FILIP1L: variants seen among roughly 807,000 people sequenced by gnomAD.
FILIP1L encodes filamin A-interacting protein 1-like.
Under a neutral mutation model 96.6 loss-of-function variants are expected in FILIP1L, and 55 were observed. That is an observed-to-expected ratio of 0.57 (90% CI 0.46 to 0.71). The LOEUF (loss-of-function observed/expected upper bound fraction) is 0.71, where lower values mean the gene tolerates loss of function less well. FILIP1L is among the 30% of genes least tolerant of loss of function. The pLI is 0.00. For missense variants in FILIP1L, 1,304 were observed against 1,321.2 expected, an observed-to-expected ratio of 0.99 and a Z score of 0.20; for synonymous variants, 467 against 473.9, an observed-to-expected ratio of 0.99 and a Z score of 0.19.
At chr3:99,977,533 T>A (rs560755925) in intron 1 of FILIP1L, among the ~76,000 whole-genome samples, 66 of 152,226 alleles carry the variant, frequency 4.3e-4, no homozygotes, top group African/African-American at 1.5e-3. Context: ...TTCCTGGGAA[T>A]GTAAGCAAGT....
At chr3:100,109,161 G>GT (rs2066444247) in intron 1 of FILIP1L, among the ~76,000 whole-genome samples, 1 of 151,202 alleles carries the variant, frequency 6.6e-6, no homozygotes, top group African/African-American at 2.4e-5. Context: ...AATCAAGGTG[G>GT]TTGGACTCTA....
At chr3:100,054,988 T>A (rs2107327267) in intron 1 of FILIP1L, among the ~76,000 whole-genome samples, 1 of 152,206 alleles carries the variant, frequency 6.6e-6, no homozygotes, top group East Asian at 1.9e-4. Flanking sequence ...GAGCCTCTTT[T>A]GGGCCTTCTT....
intron 1 of FILIP1L, among the ~76,000 whole-genome samples, chr3:99,947,645 G>A (rs1708050756): frequency 6.6e-6 from 1 of 152,090 alleles, no homozygotes; most frequent in Non-Finnish European, 1.5e-5. Flanking sequence ...GGATTTAATC[G>A]CAACTCATAA....
At chr3:100,112,701 A>G (rs1240348683) in intron 1 of FILIP1L, among the ~76,000 whole-genome samples, 4 of 152,170 alleles carry the variant, frequency 2.6e-5, no homozygotes, top group African/African-American at 9.7e-5. Flanking sequence ...TGCTTTGGGA[A>G]ATTACTGAGA....
intron 4 of FILIP1L, among the ~76,000 whole-genome samples, chr3:99,903,822 C>T (rs1237742439): frequency 6.6e-6 from 1 of 152,128 alleles, no homozygotes; most frequent in Non-Finnish European, 1.5e-5. Context: ...CTACACAATG[C>T]TCTTTTCTTA....
chr3:100,069,993 A>C lies in FILIP1L; in HGVS notation c.-11+44060T>G, dbSNP rs544154181. Among the ~76,000 whole-genome samples the C allele has an allele frequency of 2.0e-5, 3 of 152,242 alleles. No individual in the cohort carries two copies. The East Asian group carries it at 5.8e-4, about 29-fold the overall frequency. On this transcript the variant is annotated intron_variant, in intron 1 of 5. Transcript: ENST00000477258. ...TTCTCCTTTTTTTTCCTTTTATTTC[A>C]AACATAATTCTTGTTTGATCCTCAA...
intron 1 of FILIP1L, among the ~76,000 whole-genome samples, chr3:100,103,906 A>T (rs1475529662): frequency 6.6e-6 from 1 of 152,206 alleles, no homozygotes; most frequent in Non-Finnish European, 1.5e-5. Flanking sequence ...AACCTTATTA[A>T]TAAGAATCAT....
chr3:99,929,905 G>C lies in FILIP1L; in HGVS notation c.377C>G (p.Ala126Gly). The C allele has an allele frequency of 1.2e-6, 2 of 1,613,832 alleles. No individual in the cohort carries two copies. Among genetic ancestry groups the C allele is most frequent in the Non-Finnish European group, 1.7e-6 (2 of 1,179,924 alleles). The change falls in exon 3 of 6, where the codon GCG becomes GGG. Residue 126 changes from alanine to glycine, a missense_variant. Transcript: ENST00000477258. ...GTCCTCCTGCCAAGGGGTAGATTTC[G>C]CTTGAAAAGCATCTCTCTGGAGAGC... ...LEALQRDAFQ[A>G]KSTPWQEDIY...
At chr3:99,941,208 C>T (rs550132711) in intron 1 of FILIP1L, among the ~76,000 whole-genome samples, 3 of 151,828 alleles carry the variant, frequency 2.0e-5, no homozygotes, top group South Asian at 2.1e-4. Flanking sequence ...TTTAGACACA[C>T]GGAGTTGATA....
At chr3:100,039,539 A>G (rs1217322456) in intron 1 of FILIP1L, among the ~76,000 whole-genome samples, 1 of 152,170 alleles carries the variant, frequency 6.6e-6, no homozygotes, top group Admixed American at 6.5e-5. Context: ...AATATGCGGG[A>G]TACCAGGAGT....
At chr3:99,869,963 A>G (rs1348743036) in intron 4 of FILIP1L, among the ~76,000 whole-genome samples, 1 of 152,196 alleles carries the variant, frequency 6.6e-6, no homozygotes, top group East Asian at 1.9e-4. Flanking sequence ...CCCAAGTGCT[A>G]CAGCTGTGTT....
At chr3:99,844,752 G>A (rs539611319) in intron 5 of FILIP1L, among the ~76,000 whole-genome samples, 78 of 152,214 alleles carry the variant, frequency 5.1e-4, no homozygotes, top group African/African-American at 1.8e-3. Context: ...TGAAATCCCC[G>A]TTTGGATCGT....
intron 1 of FILIP1L, 58 bp downstream of exon 1, chr3:100,113,995 A>G (rs2066532302): frequency 6.6e-6 from 1 of 152,186 alleles, no homozygotes; most frequent in Non-Finnish European, 1.5e-5. Flanking sequence ...CTAGCTGGTG[A>G]ATAACACAGA....
At chr3:100,112,223 A>C (rs549710785) in intron 1 of FILIP1L, among the ~76,000 whole-genome samples, 11 of 152,362 alleles carry the variant, frequency 7.2e-5, no homozygotes, top group Admixed American at 7.2e-4. Flanking sequence ...TTTTAATGTA[A>C]CATATTAGAA....
chr3:99,837,925 A>G (rs1357382938), intron 5 of FILIP1L, among the ~76,000 whole-genome samples: 3 of 152,192 alleles, frequency 2.0e-5, no homozygotes, highest in East Asian at 1.9e-4. Context: ...GGTCATTATC[A>G]TAACTGTCAA....
chr3:100,001,372 C>T (rs761060773), intron 1 of FILIP1L, among the ~76,000 whole-genome samples: 2 of 152,138 alleles, frequency 1.3e-5, no homozygotes, highest in Non-Finnish European at 2.9e-5. Flanking sequence ...TCACATAGCC[C>T]ACAAAATCTG....
At chr3:99,990,954 G>T (rs1264152541) in intron 1 of FILIP1L, among the ~76,000 whole-genome samples, 2 of 152,050 alleles carry the variant, frequency 1.3e-5, no homozygotes, top group East Asian at 3.9e-4. Context: ...ACTTTGGTTG[G>T]AAATAAAAGT....
chr3:99,976,443 C>G (rs1280414823), intron 1 of FILIP1L, among the ~76,000 whole-genome samples: 1 of 151,974 alleles, frequency 6.6e-6, no homozygotes, highest in East Asian at 1.9e-4. Context: ...GAAACAGTAA[C>G]CCCCCAAGAG....
At chr3:100,007,634 C>T (rs1710025653) in intron 1 of FILIP1L, among the ~76,000 whole-genome samples, 1 of 152,184 alleles carries the variant, frequency 6.6e-6, no homozygotes, top group South Asian at 2.1e-4. Flanking sequence ...ACAGATTTTG[C>T]TCTAATTGCA....
Sources: gnomAD v4.1 joint callset for allele counts (sites outside exome capture counted in the v4.1 genomes callset) on GRCh38, gnomAD v4.1.1 for gene constraint, MANE v1.5 for transcripts, NCBI Gene and HGNC (gene_info 2026-07-23, HGNC 2026-07-21) for gene names.